Variants in SLC4A8 observed in about 807,000 individuals in gnomAD.
SLC4A8 encodes the protein electroneutral sodium bicarbonate exchanger 1.
A neutral mutation model predicts 125.0 loss-of-function variants in SLC4A8; 40 were observed. That is an observed-to-expected ratio of 0.32 (90% CI 0.25 to 0.42). SLC4A8 has a LOEUF of 0.42. SLC4A8 is among the 10% of genes least tolerant of loss of function. The pLI is 1.00. For synonymous variants in SLC4A8, 456 were observed against 476.0 expected (o/e 0.96, Z 0.55); for missense variants, 863 against 1,355.1 (o/e 0.64, Z 5.70).
At chr12:51,479,722 G>C (rs905938881) in intron 16 of SLC4A8, among the ~76,000 whole-genome samples, 2 of 149,648 alleles carry the variant, frequency 1.3e-5, no homozygotes, top group Non-Finnish European at 3.0e-5. Context: ...AATATAGCTA[G>C]CAAGTGTATT....
intron 1 of SLC4A8, among the ~76,000 whole-genome samples, chr12:51,426,528 A>G (rs1948986142): frequency 6.6e-6 from 1 of 152,242 alleles, no homozygotes; most frequent in African/African-American, 2.4e-5. Context: ...ATGGTCTCAG[A>G]GAAGATTTTG....
At chr12:51,443,040 A>G (rs1245690546) in intron 2 of SLC4A8, among the ~76,000 whole-genome samples, 1 of 152,224 alleles carries the variant, frequency 6.6e-6, no homozygotes, top group Non-Finnish European at 1.5e-5. Flanking sequence ...CCCACATGAC[A>G]TAAACTATAA....
intron 1 of SLC4A8, among the ~76,000 whole-genome samples, chr12:51,430,819 G>A (rs908929223): frequency 2.0e-5 from 3 of 152,186 alleles, no homozygotes; most frequent in African/African-American, 7.2e-5. Flanking sequence ...TAATGGAGAG[G>A]TTGGTTGTTT....
intron 1 of SLC4A8, among the ~76,000 whole-genome samples, chr12:51,394,418 A>G (rs1948220581): frequency 6.6e-6 from 1 of 152,238 alleles, no homozygotes; most frequent in South Asian, 2.1e-4. Flanking sequence ...CCTAACAGGA[A>G]GGACGGTGCA....
chr12:51,417,915 G>A (rs948764705), intron 1 of SLC4A8, among the ~76,000 whole-genome samples: 2 of 152,228 alleles, frequency 1.3e-5, no homozygotes, highest in African/African-American at 4.8e-5. Flanking sequence ...GCCTCCCAAA[G>A]TGCTGGGATT....
At chr12:51,399,131 T>C (rs151262169) in intron 1 of SLC4A8, among the ~76,000 whole-genome samples, 1 of 152,230 alleles carries the variant, frequency 6.6e-6, no homozygotes, top group African/African-American at 2.4e-5. Flanking sequence ...TTACTTTGGA[T>C]TGTAAGTAAA....
intron 9 of SLC4A8, 69 bp from the exon 10 acceptor site, chr12:51,462,241 C>G: frequency 7.2e-7 from 1 of 1,389,392 alleles, no homozygotes; most frequent in Non-Finnish European, 1.0e-6. Context: ...CATTTTTCAC[C>G]ATATCCATTG....
chr12:51,416,156 G>C (rs1948681661), intron 1 of SLC4A8, among the ~76,000 whole-genome samples: 1 of 145,958 alleles, frequency 6.9e-6, no homozygotes, highest in Non-Finnish European at 1.5e-5. Flanking sequence ...GACTAGAGCT[G>C]TCCTAATTAG....
intron 1 of SLC4A8, among the ~76,000 whole-genome samples, chr12:51,413,249 C>T (rs1048501061): frequency 1.3e-5 from 2 of 152,056 alleles, no homozygotes; most frequent in African/African-American, 4.8e-5. Flanking sequence ...ATCCTTTGTC[C>T]ATTTTTTCAT....
In SLC4A8 at chr12:51,507,438, A is replaced by G; in HGVS notation, c.3282A>G (p.Ter1094=). 1 of 1,394,912 alleles carries G rather than the reference A, an allele frequency of 7.2e-7. No homozygotes were observed. Among genetic ancestry groups the G allele is most frequent in the South Asian group, 2.1e-5 (1 of 47,824 alleles). 86.4% of individuals were successfully genotyped at this position (1,394,912 alleles called of 1,614,324 possible). A position where few individuals can be genotyped will look rare whatever the true frequency, so the allele number is the denominator to read the frequency against. ...CACTTTTATTCAGTCTCTTCAACTA[A>G]GAGTCTTTGCTGGGATGGAAGATTT... ...GNAKEKSLFN[*] is the part of the protein sequence containing the mutation. Residue 1094 remains the stop codon, a stop_retained_variant, in exon 25 of 25, where the codon TAA becomes TAG. Coordinates refer to ENST00000453097, the MANE Select transcript of SLC4A8 (RefSeq NM_001039960.3).
intron 3 of SLC4A8, 131 bp downstream of exon 3, chr12:51,451,153 T>C (rs1344835750): frequency 1.2e-6 from 1 of 851,602 alleles, no homozygotes; most frequent in African/African-American, 1.8e-5. Flanking sequence ...AGCTTGCTTC[T>C]AAGAAGAAAT....
rs1938418111 is a variant in SLC4A8, at chr12:51,512,974, T to C, written c.*5536T>C. ...CCAGGGAAGTGGTGCACCTCTTTTA[T>C]AACAATGGGAGATTTCAGAAACAGT... On this transcript the variant is annotated 3_prime_UTR_variant, in exon 25 of 25. Coordinates refer to ENST00000453097, the MANE Select transcript of SLC4A8 (RefSeq NM_001039960.3). 1 of 152,212 alleles carries C rather than the reference T, an allele frequency of 6.6e-6. No homozygotes were observed. The highest frequency in any genetic ancestry group is 1.5e-5 in the Non-Finnish European group (1 of 68,040). 9.4% of individuals were successfully genotyped at this position (152,212 alleles called of 1,614,324 possible).
At chr12:51,409,931 G>A (rs1205564298) in intron 1 of SLC4A8, among the ~76,000 whole-genome samples, 6 of 152,232 alleles carry the variant, frequency 3.9e-5, no homozygotes, top group African/African-American at 1.2e-4. Flanking sequence ...TGGGAAATAC[G>A]TGGAAATGTC....
At chr12:51,427,087 T>C (rs914671724) in intron 1 of SLC4A8, among the ~76,000 whole-genome samples, 4 of 151,884 alleles carry the variant, frequency 2.6e-5, no homozygotes, top group Non-Finnish European at 4.4e-5. Flanking sequence ...TACAGGCGCC[T>C]TCCACCACGC....
At chr12:51,404,463 G>A (rs918081522) in intron 1 of SLC4A8, among the ~76,000 whole-genome samples, 7 of 152,114 alleles carry the variant, frequency 4.6e-5, no homozygotes, top group African/African-American at 1.7e-4. Context: ...ATTGGTTTAG[G>A]GTTAGGCATG....
At chr12:51,495,470 C>CTTTTTTTTTT (rs3028942) in intron 21 of SLC4A8, among the ~76,000 whole-genome samples, 62 of 76,266 alleles carry the variant, frequency 8.1e-4, no homozygotes, top group East Asian at 1.7e-3. Context: ...TTTCTTTCTT[C>CTTTTTTTTTT]TTTTTTTTTT....
intron 2 of SLC4A8, among the ~76,000 whole-genome samples, chr12:51,441,431 C>G (rs560723054): frequency 1.3e-5 from 2 of 152,308 alleles, no homozygotes; most frequent in African/African-American, 4.8e-5. Flanking sequence ...CTGCACCTCA[C>G]CCCCAGCTCC....
At chr12:51,495,929 A>T (rs1238446346) in intron 21 of SLC4A8, among the ~76,000 whole-genome samples, 6 of 152,196 alleles carry the variant, frequency 3.9e-5, no homozygotes, top group African/African-American at 1.4e-4. Flanking sequence ...TGTCAATGAT[A>T]CTGTTGTAAA....
At chr12:51,395,548 C>G (rs1477910186) in intron 1 of SLC4A8, among the ~76,000 whole-genome samples, 1 of 152,180 alleles carries the variant, frequency 6.6e-6, no homozygotes, top group Non-Finnish European at 1.5e-5. Context: ...CTAGTCTCTT[C>G]CTTCCACACG....
Sources: gnomAD v4.1 joint callset for allele counts (sites outside exome capture counted in the v4.1 genomes callset) on GRCh38, gnomAD v4.1.1 for gene constraint, MANE v1.5 for transcripts, NCBI Gene and HGNC (gene_info 2026-07-23, HGNC 2026-07-21) for gene names.